USP15: variants seen among roughly 807,000 people sequenced by gnomAD.
USP15 encodes ubiquitin carboxyl-terminal hydrolase 15.
A neutral mutation model predicts 127.1 loss-of-function variants in USP15; 18 were observed. The observed-to-expected ratio is 0.14, with a 90% confidence interval of 0.10 to 0.21. The LOEUF (loss-of-function observed/expected upper bound fraction) is 0.21. Among genes scored for constraint, USP15 ranks in the 10% least tolerant of loss-of-function variants. USP15 has a pLI of 1.00. For missense variants in USP15, 805 were observed against 1,159.9 expected (o/e 0.69, Z 4.44); for synonymous variants, 364 against 393.7 (o/e 0.92, Z 0.89).
chr12:62,329,759 A>T lies in USP15; in HGVS notation c.683+3826A>T, dbSNP rs1478455851. 3.3e-5 allele frequency among the ~76,000 whole-genome samples: 5 copies of T among 152,198 alleles called. No homozygotes were observed. The East Asian group carries it at 7.7e-4, about 23-fold the overall frequency. The stretch of plus-strand genomic sequence containing the variant: ...TGAGATACAATTTTTCACCCATCAA[A>T]ATGACAAATATTTAAAAGTTTTCTG... On this transcript the variant is annotated intron_variant, in intron 6 of 21. Transcript: ENST00000280377.
chr12:62,377,474 C>T lies in USP15; in HGVS notation c.916-4016C>T, dbSNP rs192588776. Reference sequence around the variant, plus strand: ...GTGGCTCACGCCTGTAATCCTAGCACTTTGAGAGGCCAAGGTGGGCAGATC... The same window carrying T: ...GTGGCTCACGCCTGTAATCCTAGCATTTTGAGAGGCCAAGGTGGGCAGATC... On this transcript the variant is annotated intron_variant, in intron 8 of 21. Coordinates refer to ENST00000280377, the MANE Select transcript of USP15 (RefSeq NM_001252078.2). Among the ~76,000 whole-genome samples, 1,386 of 152,248 alleles carry T rather than the reference C, an allele frequency of 9.1e-3. 18 individuals carry two copies. Among genetic ancestry groups the T allele is most frequent in the Non-Finnish European group, 0.014 (985 of 68,016 alleles).
intron 6 of USP15, among the ~76,000 whole-genome samples, chr12:62,343,609 A>G (rs1341572430): frequency 6.6e-6 from 1 of 152,184 alleles, no homozygotes; most frequent in Non-Finnish European, 1.5e-5. Context: ...TACCCGGGCC[A>G]GGTAGCACAG....
intron 6 of USP15, among the ~76,000 whole-genome samples, chr12:62,342,028 C>T (rs144896544): frequency 0.022 from 3,329 of 152,148 alleles, 116 homozygotes; most frequent in African/African-American, 0.074. Context: ...CCATTCTCCC[C>T]GTCACTTTCA....
chr12:62,384,086 C>T lies in USP15; in HGVS notation c.1257C>T (p.Ala419=), dbSNP rs150210471. The T allele has an allele frequency of 1.2e-4, 187 of 1,611,860 alleles. No individual in the cohort carries two copies. The highest frequency in any genetic ancestry group is 1.3e-4 in the Non-Finnish European group (157 of 1,179,060). Residue 419 remains alanine, a synonymous_variant, in exon 11 of 22, where the codon GCC becomes GCT. Coordinates refer to ENST00000280377, the MANE Select transcript of USP15 (RefSeq NM_001252078.2). ...GTCTATTATCCTTGTAGGTGGTTGC[C>T]GAAGAAGCCTGGGAAAACCATTTAA... ...DADGRPDKVV[A]EEAWENHLKR...
chr12:62,284,170 A>G (rs1413297885), intron 1 of USP15, among the ~76,000 whole-genome samples: 1 of 152,356 alleles, frequency 6.6e-6, no homozygotes, highest in African/African-American at 2.4e-5. Flanking sequence ...CACTTTGGTA[A>G]AGATGGCAGT....
intron 6 of USP15, among the ~76,000 whole-genome samples, chr12:62,345,266 A>G (rs987434154): frequency 4.6e-5 from 7 of 152,100 alleles, no homozygotes; most frequent in Non-Finnish European, 7.3e-5. Context: ...CCCAAGTTCA[A>G]AGTTCCACAA....
intron 1 of USP15, among the ~76,000 whole-genome samples, chr12:62,290,922 G>A (rs1037936130): frequency 6.6e-6 from 1 of 151,430 alleles, no homozygotes; most frequent in Non-Finnish European, 1.5e-5. Context: ...TTTTCTTTAA[G>A]CCTATTTTGA....
chr12:62,354,136 C>CGT (rs948207975), intron 7 of USP15, among the ~76,000 whole-genome samples: 11 of 146,692 alleles, frequency 7.5e-5, no homozygotes, highest in South Asian at 6.6e-4. Flanking sequence ...TGTGTGTGTG[C>CGT]GTGTGTGTGT....
At chr12:62,387,972 A>G (rs2067205170) in intron 11 of USP15, among the ~76,000 whole-genome samples, 1 of 152,140 alleles carries the variant, frequency 6.6e-6, no homozygotes, top group Non-Finnish European at 1.5e-5. Flanking sequence ...AGAGACAGAA[A>G]AGTACCTATG....
At chr12:62,394,544 T>C (rs947028417) in intron 19 of USP15, among the ~76,000 whole-genome samples, 2 of 152,106 alleles carry the variant, frequency 1.3e-5, no homozygotes, top group East Asian at 1.9e-4. Flanking sequence ...CATTTGGCAA[T>C]GTAAGTATAA....
At chr12:62,376,877 A>C (rs1232092426) in intron 8 of USP15, among the ~76,000 whole-genome samples, 1 of 152,148 alleles carries the variant, frequency 6.6e-6, no homozygotes, top group Non-Finnish European at 1.5e-5. Flanking sequence ...ACTGCTACCT[A>C]CACATGGAAG....
chr12:62,348,322 C>A (rs1027960973), intron 6 of USP15, among the ~76,000 whole-genome samples: 1 of 152,092 alleles, frequency 6.6e-6, no homozygotes, highest in African/African-American at 2.4e-5. Context: ...TTAGATAAAT[C>A]CAAATCACCT....
At chr12:62,344,946 T>TA (rs943849576) in intron 6 of USP15, among the ~76,000 whole-genome samples, 2 of 152,138 alleles carry the variant, frequency 1.3e-5, no homozygotes, top group African/African-American at 4.8e-5. Context: ...GCCCAGCCCA[T>TA]AAAACCATCT....
intron 2 of USP15, among the ~76,000 whole-genome samples, chr12:62,296,230 T>G (rs1164328948): frequency 6.6e-6 from 1 of 152,182 alleles, no homozygotes; most frequent in Non-Finnish European, 1.5e-5. Context: ...CCTCAGACCT[T>G]CAGATAAGAG....
intron 6 of USP15, among the ~76,000 whole-genome samples, chr12:62,346,958 G>A (rs74095741): frequency 0.016 from 2,371 of 151,890 alleles, 68 homozygotes; most frequent in African/African-American, 0.055. Flanking sequence ...CTAATTGTAC[G>A]TCATTTTTAA....
intron 8 of USP15, among the ~76,000 whole-genome samples, chr12:62,366,566 G>C (rs1269024836): frequency 6.6e-6 from 1 of 152,114 alleles, no homozygotes; most frequent in African/African-American, 2.4e-5. Flanking sequence ...TAGTTGCCCT[G>C]GCCAGAACTT....
intron 19 of USP15, among the ~76,000 whole-genome samples, chr12:62,395,183 TC>T (rs1444451507): frequency 1.3e-5 from 2 of 152,102 alleles, no homozygotes; most frequent in East Asian, 3.8e-4. Flanking sequence ...ATAAATCACT[TC>T]CTCTTTTTTA....
chr12:62,333,211 T>A (rs940753916), intron 6 of USP15, among the ~76,000 whole-genome samples: 8 of 152,176 alleles, frequency 5.3e-5, no homozygotes, highest in African/African-American at 7.2e-5. Context: ...AATCTTCAAT[T>A]TGAAATGCAA....
At position 62,262,815 on chromosome 12, in the gene USP15, T is replaced by C. The variant is rs75448136; in HGVS notation, c.89+2312T>C. Among the ~76,000 whole-genome samples, 568 of 152,176 alleles carry C rather than the reference T, an allele frequency of 3.7e-3. 5 individuals carry two copies. The highest frequency in any genetic ancestry group is 0.013 in the African/African-American group (534 of 41,526). On this transcript the variant is annotated intron_variant, in intron 1 of 21. Coordinates refer to ENST00000280377, the MANE Select transcript of USP15 (RefSeq NM_001252078.2). ...TGACTAAATACAAGAGGCTCATAAA[T>C]TTAAGTCATTTCAGTGCTTTTATTT...
Sources: gnomAD v4.1 joint callset for allele counts (sites outside exome capture counted in the v4.1 genomes callset) on GRCh38, gnomAD v4.1.1 for gene constraint, MANE v1.5 for transcripts, NCBI Gene and HGNC (gene_info 2026-07-23, HGNC 2026-07-21) for gene names.